Variants in FAM219A observed in about 807,000 individuals in gnomAD.
FAM219A encodes the protein protein FAM219A.
FAM219A carries 7 observed loss-of-function variants against 23.4 expected under a neutral mutation model. That is an observed-to-expected ratio of 0.30 (90% confidence interval 0.17 to 0.56). FAM219A has a LOEUF of 0.56. FAM219A is among the 20% of genes least tolerant of loss of function. The probability of loss-of-function intolerance (pLI) is 0.92; values close to 1 mark genes in which losing one functional copy is unlikely to be tolerated. For synonymous variants in FAM219A, 93 were observed against 99.0 expected, an observed-to-expected ratio of 0.94 and a Z score of 0.36; for missense variants, 166 against 246.9, an observed-to-expected ratio of 0.67 and a Z score of 2.20.
Position 34,405,958 on chromosome 9 carries a change from C to G in FAM219A, c.67G>C (p.Ala23Pro). The change falls in exon 2 of 6, where the codon GCC becomes CCC. Residue 23 changes from alanine to proline, a missense_variant. Ala to Pro is a conservative substitution (Grantham distance 27). Around this residue, in one of 3 missense-constraint regions of FAM219A, gnomAD observed 89 missense variants for 98.8 expected, o/e 0.90. Coordinates refer to ENST00000651358, the MANE Select transcript of FAM219A (RefSeq NM_001184940.2). The stretch of plus-strand genomic sequence containing the variant: ...TCTCCGTCAGAGATGGAGGCGGCGG[C>G]TGGGTCCTGTGGGGAGAAAGCAGTA... ...AHSEMQPLDP[A>P]AASISDGDCD... 1 of 1,610,998 alleles carries G rather than the reference C, an allele frequency of 6.2e-7. No homozygotes were observed.
chr9:34,458,147 CT>C lies in FAM219A; in HGVS notation c.60+56del. Reference sequence around the variant, plus strand: ...CGATCCCCCCGGCCTGATTCCCTCCCTCCCCCTCAAGCGACGCCCCCTCCGG... The same window carrying C: ...CGATCCCCCCGGCCTGATTCCCTCCCCCCCCTCAAGCGACGCCCCCTCCGG... On this transcript the variant is annotated intron_variant, in intron 1 of 5. Coordinates refer to ENST00000651358, the MANE Select transcript of FAM219A (RefSeq NM_001184940.2). The surrounding 1 kb of genome is among the most constrained non-coding windows in gnomAD (Gnocchi z 6.6). 2.2e-5 allele frequency: 33 copies of C among 1,511,468 alleles called. No homozygotes were observed. The highest frequency in any genetic ancestry group is 2.1e-4 in the Admixed American group (11 of 51,790). The allele number at this position is 1,511,468 out of a possible 1,614,324, so 93.6% of individuals were successfully genotyped here.
chr9:34,431,686 G>A (rs1204128648), intron 1 of FAM219A, among the ~76,000 whole-genome samples: 1 of 152,076 alleles, frequency 6.6e-6, no homozygotes, highest in Non-Finnish European at 1.5e-5. Flanking sequence ...TCCAGGCTGG[G>A]CAACATATTG....
intron 1 of FAM219A, among the ~76,000 whole-genome samples, chr9:34,437,946 C>A (rs1822985462): frequency 6.6e-6 from 1 of 152,206 alleles, no homozygotes; most frequent in Non-Finnish European, 1.5e-5. Flanking sequence ...AGCGGGAACC[C>A]GGGCTGCGCG....
chr9:34,419,626 C>T, intron 1 of FAM219A, among the ~76,000 whole-genome samples: 1 of 152,132 alleles, frequency 6.6e-6, no homozygotes, highest in East Asian at 1.9e-4. Flanking sequence ...AGGAGAAATG[C>T]CAGCAGACAC....
intron 2 of FAM219A, among the ~76,000 whole-genome samples, chr9:34,403,984 G>C (rs577143699): frequency 6.6e-6 from 1 of 152,270 alleles, no homozygotes; most frequent in East Asian, 1.9e-4. Flanking sequence ...CCTCTAGGGG[G>C]TGCAATTTGC....
chr9:34,439,533 A>G (rs1312908327), intron 1 of FAM219A, among the ~76,000 whole-genome samples: 7 of 152,192 alleles, frequency 4.6e-5, no homozygotes, highest in African/African-American at 1.7e-4. Context: ...GAAAAGTGCA[A>G]TAAGGGGAAG....
intron 1 of FAM219A, among the ~76,000 whole-genome samples, chr9:34,456,617 AAG>A (rs1182371178): frequency 6.6e-6 from 1 of 152,332 alleles, no homozygotes; most frequent in East Asian, 1.9e-4. Flanking sequence ...GTTAGCTAGA[AAG>A]AGAACTCAGA....
intron 1 of FAM219A, among the ~76,000 whole-genome samples, chr9:34,437,637 G>T (rs967641333): frequency 6.6e-6 from 1 of 152,182 alleles, no homozygotes; most frequent in African/African-American, 2.4e-5. Context: ...TGTGACCTTG[G>T]GTCTCACTTT....
At chr9:34,455,465 ATTT>A (rs11394221) in intron 1 of FAM219A, among the ~76,000 whole-genome samples, 1 of 129,676 alleles carries the variant, frequency 7.7e-6, no homozygotes, top group African/African-American at 3.0e-5. Context: ...TGCTATCTTG[ATTT>A]TTTTTTTTTT....
rs1298136079 is a variant in FAM219A at position 34,398,188 on chromosome 9, T to C, written c.*2776A>G. On this transcript the variant is annotated 3_prime_UTR_variant, in exon 6 of 6. Coordinates refer to ENST00000651358, the MANE Select transcript of FAM219A (RefSeq NM_001184940.2). Reference sequence around the variant, plus strand: ...CCCCAGGGAGGGAGCTGAGGCTGGCTTGTTTGATGCTTTTAATATCATTAT... The same window carrying C: ...CCCCAGGGAGGGAGCTGAGGCTGGCCTGTTTGATGCTTTTAATATCATTAT... The C allele has an allele frequency of 1.4e-6, 2 of 1,426,268 alleles. No individual in the cohort carries two copies. Among genetic ancestry groups the C allele is most frequent in the Admixed American group, 4.0e-5 (2 of 50,520 alleles). The allele number at this position is 1,426,268 out of a possible 1,614,324, so 88.4% of individuals were successfully genotyped here. A position where few individuals can be genotyped will look rare whatever the true frequency, so the allele number is the denominator to read the frequency against.
At chr9:34,433,862 C>T (rs1822800461) in intron 1 of FAM219A, among the ~76,000 whole-genome samples, 1 of 152,122 alleles carries the variant, frequency 6.6e-6, no homozygotes, top group African/African-American at 2.4e-5. Context: ...GGAAATAAGC[C>T]TCCGACTCTC....
intron 5 of FAM219A, among the ~76,000 whole-genome samples, chr9:34,401,347 T>C (rs1449791393): frequency 6.6e-6 from 1 of 152,160 alleles, no homozygotes; most frequent in Non-Finnish European, 1.5e-5. Flanking sequence ...ATGGTCAACT[T>C]CACACCTCTG....
chr9:34,401,692 A>T lies in FAM219A; in HGVS notation c.373T>A (p.Ser125Thr). 6.2e-7 allele frequency: 1 copy of T among 1,608,914 alleles called. No homozygotes were observed. Among genetic ancestry groups the T allele is most frequent in the Non-Finnish European group, 8.5e-7 (1 of 1,178,738 alleles). Residue 125 changes from serine (S) to threonine (T), a missense_variant, in exon 5 of 6, where the codon TCC becomes ACC. Coordinates refer to ENST00000651358, the MANE Select transcript of FAM219A (RefSeq NM_001184940.2). ...SDDDFDMSRY[S>T]SSGYSSAEQI... is the part of the protein sequence containing the mutation. ...TCAGCAGAGGAGTAGCCGGAGGAGG[A>T]GTATCTAGACATGTCAAAGTCATCA...
chr9:34,424,034 T>C (rs1219558310), intron 1 of FAM219A, among the ~76,000 whole-genome samples: 3 of 151,956 alleles, frequency 2.0e-5, no homozygotes, highest in Non-Finnish European at 4.4e-5. Context: ...AACACCAATA[T>C]TGAAAAAGTA....
intron 1 of FAM219A, among the ~76,000 whole-genome samples, chr9:34,442,541 C>T (rs1823216180): frequency 6.6e-6 from 1 of 151,920 alleles, no homozygotes; most frequent in Admixed American, 6.6e-5. Context: ...GAAAATTAGG[C>T]GGGCATGATA....
At chr9:34,423,832 A>G (rs1271002515) in intron 1 of FAM219A, among the ~76,000 whole-genome samples, 1 of 152,182 alleles carries the variant, frequency 6.6e-6, no homozygotes, top group African/African-American at 2.4e-5. Flanking sequence ...GGCTGACTGG[A>G]TCTGGGTTTG....
chr9:34,419,058 G>C (rs1216707751), intron 1 of FAM219A, among the ~76,000 whole-genome samples: 1 of 151,716 alleles, frequency 6.6e-6, no homozygotes, highest in Non-Finnish European at 1.5e-5. Context: ...TTGGGTGATA[G>C]AGCAAGACTC....
At chr9:34,436,939 G>A (rs1822944650) in intron 1 of FAM219A, among the ~76,000 whole-genome samples, 1 of 152,124 alleles carries the variant, frequency 6.6e-6, no homozygotes, top group South Asian at 2.1e-4. Flanking sequence ...GCTGGTTTTT[G>A]TTTGTTTGTT....
intron 1 of FAM219A, among the ~76,000 whole-genome samples, chr9:34,407,046 C>G (rs1288646959): frequency 1.3e-5 from 2 of 152,126 alleles, no homozygotes; most frequent in Non-Finnish European, 2.9e-5. Context: ...CATGATCCGC[C>G]TGCCTCAGCC....
Sources: allele counts gnomAD v4.1 joint callset (sites outside exome capture counted in the v4.1 genomes callset), GRCh38; gene constraint gnomAD v4.1.1; regional missense constraint gnomAD v4.1.1; non-coding constraint Gnocchi (gnomAD v3.1); transcripts MANE v1.5; gene names NCBI Gene and HGNC (gene_info 2026-07-23, HGNC 2026-07-21).